L3MBTL4: variants seen among roughly 807,000 people sequenced by gnomAD.
L3MBTL4 encodes L3MBTL histone methyl-lysine binding protein 4.
A neutral mutation model predicts 84.5 loss-of-function variants in L3MBTL4; 70 were observed. That is an observed-to-expected ratio of 0.83 (90% CI 0.68 to 1.01). The LOEUF is 1.01. Among genes scored for constraint, L3MBTL4 ranks in the 50% least tolerant of loss-of-function variants. The pLI, the probability that L3MBTL4 is intolerant of heterozygous loss-of-function variation, is 0.00. For missense variants in L3MBTL4, 715 were observed against 754.8 expected, an observed-to-expected ratio of 0.95 and a Z score of 0.62; for synonymous variants, 274 against 259.8, an observed-to-expected ratio of 1.05 and a Z score of -0.52.
At position 6,343,271 on chromosome 18, in the gene L3MBTL4, C is replaced by G. The variant is rs186526651; in HGVS notation, c.-90-31215G>C. ...AACAGATATATAGAGAACATTCCAT[C>G]CAATAGCAGCAGAATACACATTCTT... On this transcript the variant is annotated intron_variant, in intron 1 of 18. Coordinates refer to ENST00000317931, the MANE Select transcript of L3MBTL4 (RefSeq NM_001330559.2). Among the ~76,000 whole-genome samples, 513 of 152,246 alleles carry G rather than the reference C, an allele frequency of 3.4e-3. 9 individuals are homozygous for G. Among genetic ancestry groups the G allele is most frequent in the Admixed American group, 0.03 (456 of 15,288 alleles).
chr18:6,190,251 G>A (rs1461446679), intron 12 of L3MBTL4, among the ~76,000 whole-genome samples: 2 of 152,180 alleles, frequency 1.3e-5, no homozygotes, highest in African/African-American at 2.4e-5. Flanking sequence ...AAAACAGGAT[G>A]TGGTTACCTC....
intron 10 of L3MBTL4, among the ~76,000 whole-genome samples, chr18:6,229,372 T>C (rs1471123146): frequency 6.6e-6 from 1 of 152,192 alleles, no homozygotes; most frequent in Non-Finnish European, 1.5e-5. Context: ...ACCCTGGATA[T>C]TAATCCCTTA....
At chr18:6,130,940 G>C (rs1001404836) in intron 14 of L3MBTL4, among the ~76,000 whole-genome samples, 1 of 152,038 alleles carries the variant, frequency 6.6e-6, no homozygotes, top group African/African-American at 2.4e-5. Flanking sequence ...ATACAAGTTT[G>C]AGTATTATTG....
intron 17 of L3MBTL4, among the ~76,000 whole-genome samples, chr18:5,964,360 T>C (rs1407598111): frequency 2.0e-5 from 3 of 152,174 alleles, no homozygotes; most frequent in Non-Finnish European, 4.4e-5. Context: ...TGTTCTTCCG[T>C]GGGGCTGCCG....
intron 3 of L3MBTL4, among the ~76,000 whole-genome samples, chr18:6,311,069 C>A (rs150398072): frequency 6.6e-6 from 1 of 152,154 alleles, no homozygotes; most frequent in Non-Finnish European, 1.5e-5. Flanking sequence ...ATATTTCAGA[C>A]GTGTCAGCCC....
chr18:6,374,107 C>T (rs2054269978), intron 1 of L3MBTL4, among the ~76,000 whole-genome samples: 1 of 152,196 alleles, frequency 6.6e-6, no homozygotes, highest in Non-Finnish European at 1.5e-5. Context: ...AACACACAAA[C>T]AGCAGATGTA....
intron 16 of L3MBTL4, among the ~76,000 whole-genome samples, chr18:6,070,372 T>C (rs766892402): frequency 2.6e-5 from 4 of 151,900 alleles, no homozygotes; most frequent in Non-Finnish European, 4.4e-5. Flanking sequence ...AGAGAAACAA[T>C]AGAAGTCAGA....
intron 1 of L3MBTL4, among the ~76,000 whole-genome samples, chr18:6,403,536 G>C (rs1303932839): frequency 6.6e-6 from 1 of 152,098 alleles, no homozygotes; most frequent in Admixed American, 6.5e-5. Context: ...GTCATGTCCA[G>C]ACATTTTGAA....
At chr18:6,264,757 C>G (rs2048555984) in intron 4 of L3MBTL4, among the ~76,000 whole-genome samples, 1 of 152,186 alleles carries the variant, frequency 6.6e-6, no homozygotes, top group Non-Finnish European at 1.5e-5. Flanking sequence ...GCACTCCAGC[C>G]TGGGCCACAA....
At chr18:6,154,785 G>T (rs2043035181) in intron 13 of L3MBTL4, among the ~76,000 whole-genome samples, 1 of 152,092 alleles carries the variant, frequency 6.6e-6, no homozygotes, top group Admixed American at 6.6e-5. Flanking sequence ...CCTAATCCTA[G>T]AATAAAATGT....
At chr18:6,116,087 G>T (rs1477166531) in intron 14 of L3MBTL4, among the ~76,000 whole-genome samples, 1 of 152,194 alleles carries the variant, frequency 6.6e-6, no homozygotes, top group African/African-American at 2.4e-5. Flanking sequence ...TAGAAAGCTG[G>T]ACAGAGATGC....
At chr18:6,321,297 A>G (rs948910030) in intron 1 of L3MBTL4, among the ~76,000 whole-genome samples, 11 of 152,224 alleles carry the variant, frequency 7.2e-5, no homozygotes, top group African/African-American at 2.7e-4. Context: ...CAGACAACCC[A>G]GAGAATGGGA....
chr18:6,215,511 T>TCA (rs2046287436), intron 11 of L3MBTL4, among the ~76,000 whole-genome samples: 1 of 152,168 alleles, frequency 6.6e-6, no homozygotes, highest in Non-Finnish European at 1.5e-5. Context: ...GTGTTTTCAA[T>TCA]TGTACCTCTG....
chr18:6,052,382 C>A (rs1407095399), intron 16 of L3MBTL4, among the ~76,000 whole-genome samples: 1 of 152,156 alleles, frequency 6.6e-6, no homozygotes, highest in African/African-American at 2.4e-5. Flanking sequence ...ATATGTTCAG[C>A]ATTTTTCAGT....
intron 16 of L3MBTL4, among the ~76,000 whole-genome samples, chr18:5,974,435 C>CA (rs200020398): frequency 0.015 from 2,237 of 150,768 alleles, 55 homozygotes; most frequent in African/African-American, 0.052. Context: ...AGGCAATAAA[C>CA]ACACTGGAAC....
At chr18:6,058,155 G>C (rs556917283) in intron 16 of L3MBTL4, among the ~76,000 whole-genome samples, 8 of 152,276 alleles carry the variant, frequency 5.3e-5, no homozygotes, top group African/African-American at 1.9e-4. Flanking sequence ...TTAGACATAA[G>C]GTGCTTGGCA....
intron 3 of L3MBTL4, among the ~76,000 whole-genome samples, chr18:6,306,710 G>C (rs2050601244): frequency 6.6e-6 from 1 of 152,104 alleles, no homozygotes; most frequent in African/African-American, 2.4e-5. Flanking sequence ...AGTGTGACCA[G>C]CCAGACCTAC....
In L3MBTL4 at chr18:6,408,785, G is replaced by T. The variant is rs185110871; in HGVS notation, c.-91+6016C>A. ...CAACCCCCACCTCCCGGGTTGAAGCGATTCTCCTGCCTCAGCCTCCTGAGT... is the reference window on the plus strand; with the variant it reads ...CAACCCCCACCTCCCGGGTTGAAGCTATTCTCCTGCCTCAGCCTCCTGAGT... On this transcript the variant is annotated intron_variant, in intron 1 of 18. Coordinates refer to ENST00000317931, the MANE Select transcript of L3MBTL4 (RefSeq NM_001330559.2). Among the ~76,000 whole-genome samples the T allele has an allele frequency of 2.6e-5, 4 of 151,714 alleles. No homozygotes were observed. In the East Asian group the frequency reaches 7.8e-4, roughly 29 times the overall value.
At position 6,272,242 on chromosome 18, in the gene L3MBTL4, G is replaced by A. The variant is rs888553572; in HGVS notation, c.128-8204C>T. The stretch of plus-strand genomic sequence containing the variant: ...TAGGGGGAGGACCCTGAGATAAAAA[G>A]GCGGGTGGTGAATGAGGTTAAAAGC... On this transcript the variant is annotated intron_variant, in intron 4 of 18. Coordinates refer to ENST00000317931, the MANE Select transcript of L3MBTL4 (RefSeq NM_001330559.2). 2.0e-5 allele frequency among the ~76,000 whole-genome samples: 3 copies of A among 152,188 alleles called. No individual in the cohort carries two copies. In the East Asian group the frequency reaches 5.8e-4, roughly 29 times the overall value.
Sources: allele counts gnomAD v4.1 joint callset (sites outside exome capture counted in the v4.1 genomes callset), GRCh38; gene constraint gnomAD v4.1.1; transcripts MANE v1.5; gene names NCBI Gene and HGNC (gene_info 2026-07-23, HGNC 2026-07-21).